The following EPS8 variants were observed in gnomAD, a reference collection of about 807,000 sequenced individuals.
The protein encoded by EPS8 is epidermal growth factor receptor kinase substrate 8.
Under a neutral mutation model 103.8 loss-of-function variants are expected in EPS8, and 42 were observed. The ratio of observed to expected loss-of-function variants is 0.40; its 90% confidence interval spans 0.32 to 0.52. EPS8 has a LOEUF of 0.52. EPS8 is among the 20% of genes least tolerant of loss of function. The pLI, the probability that EPS8 is intolerant of heterozygous loss-of-function variation, is 0.40. For synonymous variants in EPS8, 344 were observed against 344.6 expected (o/e 1.00, Z 0.02); for missense variants, 969 against 1,005.1 (o/e 0.96, Z 0.49).
At chr12:15,709,943 T>C (rs1355508097) in intron 1 of EPS8, among the ~76,000 whole-genome samples, 1 of 152,212 alleles carries the variant, frequency 6.6e-6, no homozygotes, top group Non-Finnish European at 1.5e-5. Context: ...ACAATGGGGT[T>C]CGACTCCTAT....
intron 15 of EPS8, among the ~76,000 whole-genome samples, chr12:15,642,154 A>C (rs1261709912): frequency 6.6e-6 from 1 of 152,128 alleles, no homozygotes; most frequent in East Asian, 1.9e-4. Flanking sequence ...CATCTCTACC[A>C]TAAAAGAACT....
intron 3 of EPS8, among the ~76,000 whole-genome samples, chr12:15,674,892 C>T (rs890313359): frequency 6.6e-6 from 1 of 151,840 alleles, no homozygotes; most frequent in South Asian, 2.1e-4. Context: ...GTAAAATACA[C>T]ACTGTAAATA....
At chr12:15,680,222 A>G (rs187631694) in intron 3 of EPS8, among the ~76,000 whole-genome samples, 3 of 152,296 alleles carry the variant, frequency 2.0e-5, no homozygotes, top group Non-Finnish European at 4.4e-5. Context: ...ACAATCACAA[A>G]ACCTTAGAAT....
intron 1 of EPS8, among the ~76,000 whole-genome samples, chr12:15,765,078 G>A (rs948549995): frequency 3.9e-5 from 6 of 152,154 alleles, no homozygotes; most frequent in African/African-American, 1.2e-4. Context: ...AGCCAACTTA[G>A]AATTCCCAGA....
chr12:15,686,769 T>C (rs773349394), intron 1 of EPS8, among the ~76,000 whole-genome samples: 1 of 152,172 alleles, frequency 6.6e-6, no homozygotes, highest in Non-Finnish European at 1.5e-5. Flanking sequence ...AATTTTCAAA[T>C]TGGTAGATGA....
In EPS8 at chr12:15,713,488, T is replaced by C. The variant is rs1946494252; in HGVS notation, c.-21-30516A>G. On this transcript the variant is annotated intron_variant, in intron 1 of 20. Transcript: ENST00000281172. The surrounding 1 kb of genome is among the most constrained non-coding windows in gnomAD (Gnocchi z 4.8). ...GCCAACACTGGAGCTATGGGGATAATCACTGGAGTCTCTTCAGCACTTAAG... is the reference window on the plus strand; with the variant it reads ...GCCAACACTGGAGCTATGGGGATAACCACTGGAGTCTCTTCAGCACTTAAG... 6.6e-6 allele frequency among the ~76,000 whole-genome samples: 1 copy of C among 152,196 alleles called. No homozygotes were observed. Among genetic ancestry groups the C allele is most frequent in the South Asian group, 2.1e-4 (1 of 4,834 alleles).
At position 15,621,172 on chromosome 12, in the gene EPS8, T is replaced by G; in HGVS notation, c.*145A>C. On this transcript the variant is annotated 3_prime_UTR_variant, in exon 21 of 21. Coordinates refer to ENST00000281172, the MANE Select transcript of EPS8 (RefSeq NM_004447.6). The stretch of plus-strand genomic sequence containing the variant: ...ATAATGGGCCTAGAAGCAAATCCTG[T>G]GCTCACTCAGGTTTGCATGGGTTTT... 1 of 476,108 alleles carries G rather than the reference T, an allele frequency of 2.1e-6. No homozygotes were observed. Among genetic ancestry groups the G allele is most frequent in the South Asian group, 3.9e-5 (1 of 25,820 alleles). The allele number at this position is 476,108 out of a possible 1,614,324, so 29.5% of individuals were successfully genotyped here. A position where few individuals can be genotyped will look rare whatever the true frequency, so the allele number is the denominator to read the frequency against.
In EPS8 at chr12:15,696,255, A is replaced by G. The variant is rs900695960; in HGVS notation, c.-21-13283T>C. Among the ~76,000 whole-genome samples, 3 of 152,228 alleles carry G rather than the reference A, an allele frequency of 2.0e-5. No individual in the cohort carries two copies. Among genetic ancestry groups the G allele is most frequent in the African/African-American group, 7.2e-5 (3 of 41,458 alleles). ...TTATATTTCAGGTAGCAGTTTGAAC[A>G]TAAGCAAAATAAAAGACAGTAGGGA... is the stretch of plus-strand genomic sequence containing the variant. On this transcript the variant is annotated intron_variant, in intron 1 of 20. Coordinates refer to ENST00000281172, the MANE Select transcript of EPS8 (RefSeq NM_004447.6). This position sits in a 1 kb window ranked among gnomAD's most constrained non-coding sequence, Gnocchi z 4.8.
rs756703098 is a variant in EPS8, at chr12:15,745,915, G to A, written c.-22+43246C>T. Among the ~76,000 whole-genome samples, 4 of 152,134 alleles carry A rather than the reference G, an allele frequency of 2.6e-5. No individual in the cohort carries two copies. Among genetic ancestry groups the A allele is most frequent in the Admixed American group, 6.5e-5 (1 of 15,270 alleles). On this transcript the variant is annotated intron_variant, in intron 1 of 20. Transcript: ENST00000281172. This position sits in a 1 kb window ranked among gnomAD's most constrained non-coding sequence, Gnocchi z 4.6. The stretch of plus-strand genomic sequence containing the variant: ...GAATTACTATCATGACAATAAATGC[G>A]ATCATGCCATAAAATCTCACAAAGC...
chr12:15,648,875 A>G (rs1210358248), intron 14 of EPS8, among the ~76,000 whole-genome samples: 1 of 152,220 alleles, frequency 6.6e-6, no homozygotes, highest in Admixed American at 6.5e-5. Flanking sequence ...CAAGTCACCT[A>G]TGTCTTTCAA....
chr12:15,716,692 A>G lies in EPS8; in HGVS notation c.-21-33720T>C, dbSNP rs1946536634. ...TCCCATACTTTGTAACTACAAATAT[A>G]GAGGCAGACAAAATAGGCTGTAACA... On this transcript the variant is annotated intron_variant, in intron 1 of 20. Transcript: ENST00000281172. This position sits in a 1 kb window ranked among gnomAD's most constrained non-coding sequence, Gnocchi z 5.0. Among the ~76,000 whole-genome samples the G allele has an allele frequency of 3.3e-5, 5 of 152,232 alleles. No individual in the cohort carries two copies. The highest frequency in any genetic ancestry group is 2.6e-4 in the Admixed American group (4 of 15,292).
At chr12:15,667,589 A>G (rs1945737853) in intron 6 of EPS8, among the ~76,000 whole-genome samples, 1 of 152,152 alleles carries the variant, frequency 6.6e-6, no homozygotes, top group Admixed American at 6.5e-5. Context: ...AGGAATCTTC[A>G]ACTTCTTATA....
In EPS8 at chr12:15,674,894, C is replaced by A. The variant is rs1945877510; in HGVS notation, c.137-3971G>T. Among the ~76,000 whole-genome samples, 2 of 151,866 alleles carry A rather than the reference C, an allele frequency of 1.3e-5. 1 individual carries two copies. The highest frequency in any genetic ancestry group is 4.2e-4 in the South Asian group (2 of 4,810). On this transcript the variant is annotated intron_variant, in intron 3 of 20. Transcript: ENST00000281172. Reference sequence around the variant, plus strand: ...ATGTTTTCTTTAAGTAAAATACACACTGTAAATAAGGATGGGCAAAAGAGA... The same window carrying A: ...ATGTTTTCTTTAAGTAAAATACACAATGTAAATAAGGATGGGCAAAAGAGA...
At chr12:15,626,716 A>G (rs1944953511) in intron 18 of EPS8, among the ~76,000 whole-genome samples, 1 of 151,814 alleles carries the variant, frequency 6.6e-6, no homozygotes, top group Non-Finnish European at 1.5e-5. Flanking sequence ...CTCCCAGTAA[A>G]AGGCCCTACA....
At chr12:15,648,465 T>C (rs1279584373) in intron 14 of EPS8, among the ~76,000 whole-genome samples, 2 of 152,158 alleles carry the variant, frequency 1.3e-5, no homozygotes, top group Non-Finnish European at 2.9e-5. Context: ...AGTTTATCCA[T>C]GGACAAAGCA....
intron 17 of EPS8, among the ~76,000 whole-genome samples, chr12:15,637,632 T>C (rs1184001578): frequency 6.6e-6 from 1 of 152,206 alleles, no homozygotes; most frequent in Non-Finnish European, 1.5e-5. Flanking sequence ...GTGAAGCAAA[T>C]TTAAGTAATG....
chr12:15,707,473 C>A (rs1946402210), intron 1 of EPS8, among the ~76,000 whole-genome samples: 1 of 151,850 alleles, frequency 6.6e-6, no homozygotes. Context: ...ACTCTCCTTA[C>A]TATTTATTAA....
At chr12:15,666,875 T>C (rs1412105105) in intron 6 of EPS8, among the ~76,000 whole-genome samples, 1 of 152,172 alleles carries the variant, frequency 6.6e-6, no homozygotes, top group East Asian at 1.9e-4. Context: ...AGAACAGAGT[T>C]CCTTCCCTTT....
At chr12:15,685,186 T>C (rs1026537609) in intron 1 of EPS8, among the ~76,000 whole-genome samples, 3 of 152,214 alleles carry the variant, frequency 2.0e-5, no homozygotes, top group Non-Finnish European at 4.4e-5. Flanking sequence ...GAACTAGAGA[T>C]AGTCTGGAAT....
Sources: allele counts gnomAD v4.1 joint callset (sites outside exome capture counted in the v4.1 genomes callset), GRCh38; gene constraint gnomAD v4.1.1; non-coding constraint Gnocchi (gnomAD v3.1); transcripts MANE v1.5; gene names NCBI Gene and HGNC (gene_info 2026-07-23, HGNC 2026-07-21).